Variants in NREP observed in about 807,000 individuals in gnomAD.
NREP encodes neuronal regeneration related protein.
NREP carries 5 observed loss-of-function variants against 8.6 expected under a neutral mutation model. The ratio of observed to expected loss-of-function variants is 0.58; its 90% CI spans 0.30 to 1.22. The LOEUF (loss-of-function observed/expected upper bound fraction) is 1.22, where lower values mean the gene tolerates loss of function less well. Among genes scored for constraint, NREP ranks in the 50% most tolerant of loss-of-function variants. The pLI is 0.07. For synonymous variants in NREP, 27 were observed against 28.0 expected, an observed-to-expected ratio of 0.96 and a Z score of 0.11; for missense variants, 86 against 82.5, an observed-to-expected ratio of 1.04 and a Z score of -0.17.
chr5:111,789,618 C>T (rs1227692905), intron 2 of NREP, among the ~76,000 whole-genome samples: 1 of 152,134 alleles, frequency 6.6e-6, no homozygotes, highest in Admixed American at 6.5e-5. Context: ...AGTTTCTCTA[C>T]CATGGGTAAA....
Position 111,807,931 on chromosome 5 carries a change from A to G in NREP, c.136-72424T>C, listed in dbSNP as rs570549752. On this transcript the variant is annotated intron_variant, in intron 2 of 3. Transcript: ENST00000395634. ...GAGGCTCTTCTTTATCACAACAACAATAACAACAACAACAACAAAACCCTC... is the reference window on the plus strand; with the variant it reads ...GAGGCTCTTCTTTATCACAACAACAGTAACAACAACAACAACAAAACCCTC... Among the ~76,000 whole-genome samples the G allele has an allele frequency of 1.0e-3, 135 of 132,492 alleles. 1 individual carries two copies. The highest frequency in any genetic ancestry group is 3.6e-3 in the African/African-American group (134 of 36,898). 86.9% of individuals were successfully genotyped at this position (132,492 alleles called of 152,430 possible). A position where few individuals can be genotyped will look rare whatever the true frequency, so the allele number is the denominator to read the frequency against.
intron 2 of NREP, among the ~76,000 whole-genome samples, chr5:111,957,294 T>C (rs967411077): frequency 2.0e-5 from 3 of 151,976 alleles, no homozygotes; most frequent in African/African-American, 7.2e-5. Context: ...ATTTTTAAAT[T>C]TGATAAAATG....
intron 2 of NREP, among the ~76,000 whole-genome samples, chr5:111,783,590 T>C (rs553308396): frequency 6.6e-6 from 1 of 152,214 alleles, no homozygotes; most frequent in Non-Finnish European, 1.5e-5. Flanking sequence ...TTGTTCTGTT[T>C]TATTGATGTC....
intron 2 of NREP, among the ~76,000 whole-genome samples, chr5:111,927,546 A>T (rs1755423799): frequency 6.6e-6 from 1 of 152,192 alleles, no homozygotes; most frequent in Non-Finnish European, 1.5e-5. Flanking sequence ...TAAGTGATGC[A>T]AAAACTACCT....
chr5:111,780,962 T>A (rs920882423), intron 2 of NREP, among the ~76,000 whole-genome samples: 2 of 152,150 alleles, frequency 1.3e-5, no homozygotes, highest in African/African-American at 2.4e-5. Flanking sequence ...ACTTGTGTCA[T>A]AGGGGTTTGT....
chr5:111,794,793 C>T (rs1276731819), intron 2 of NREP, among the ~76,000 whole-genome samples: 1 of 152,046 alleles, frequency 6.6e-6, no homozygotes, highest in Non-Finnish European at 1.5e-5. Context: ...GTAGAATGTG[C>T]AGCACCAGGA....
intron 2 of NREP, among the ~76,000 whole-genome samples, chr5:111,851,084 C>T (rs1028587202): frequency 1.3e-5 from 2 of 152,156 alleles, no homozygotes; most frequent in Admixed American, 1.3e-4. Context: ...CAATCTAGTA[C>T]TCCTATAGTC....
chr5:111,919,327 G>T (rs1755158109), intron 2 of NREP, among the ~76,000 whole-genome samples: 1 of 152,092 alleles, frequency 6.6e-6, no homozygotes, highest in African/African-American at 2.4e-5. Flanking sequence ...ATTCCTCAAG[G>T]ATCTAGAACC....
intron 2 of NREP, among the ~76,000 whole-genome samples, chr5:111,919,905 A>AAGAAAGAG (rs1755181984): frequency 6.6e-6 from 1 of 151,590 alleles, no homozygotes; most frequent in Non-Finnish European, 1.5e-5. Flanking sequence ...GAAAGAAAGA[A>AAGAAAGAG]AGAAAGAAAG....
intron 2 of NREP, among the ~76,000 whole-genome samples, chr5:111,737,050 C>G (rs1581038966): frequency 6.6e-6 from 1 of 152,272 alleles, no homozygotes; most frequent in East Asian, 1.9e-4. Context: ...GAACTATTTT[C>G]TTTTTGGACT....
chr5:111,865,555 G>C (rs1753645800), intron 2 of NREP, among the ~76,000 whole-genome samples: 1 of 152,118 alleles, frequency 6.6e-6, no homozygotes, highest in Admixed American at 6.6e-5. Context: ...CATGGCATAG[G>C]CCACATGACA....
intron 2 of NREP, among the ~76,000 whole-genome samples, chr5:111,897,576 G>A (rs1394619184): frequency 6.6e-6 from 1 of 152,020 alleles, no homozygotes; most frequent in Non-Finnish European, 1.5e-5. Context: ...TGTTCTACTT[G>A]ATATTATCTT....
rs113039787 is a variant in NREP at position 111,870,351 on chromosome 5, C to T, written c.135+104923G>A. On this transcript the variant is annotated intron_variant, in intron 2 of 3. Coordinates refer to the NREP transcript ENST00000395634. ...GGCTGAGGAAGGAGAATCACTTGAG[C>T]CCTGAGAGACAGAGATTGCAGTAAG... Among the ~76,000 whole-genome samples, 1,307 of 152,204 alleles carry T rather than the reference C, an allele frequency of 8.6e-3. 5 individuals are homozygous for T. Among genetic ancestry groups the T allele is most frequent in the Middle Eastern group, 0.024 (7 of 294 alleles).
chr5:111,817,804 C>CAAAAA (rs145517030), intron 2 of NREP, among the ~76,000 whole-genome samples: 1 of 56,424 alleles, frequency 1.8e-5, no homozygotes, highest in East Asian at 6.2e-4. Flanking sequence ...GACTTCATCT[C>CAAAAA]AAAAAAAAAA....
At chr5:111,965,976 C>T (rs1026350312) in intron 2 of NREP, among the ~76,000 whole-genome samples, 4 of 152,178 alleles carry the variant, frequency 2.6e-5, no homozygotes, top group African/African-American at 7.2e-5. Flanking sequence ...GGTTAACAGG[C>T]TGCAACCGTG....
intron 2 of NREP, among the ~76,000 whole-genome samples, chr5:111,786,292 A>C (rs1225317271): frequency 1.3e-5 from 2 of 152,088 alleles, no homozygotes; most frequent in Admixed American, 6.6e-5. Flanking sequence ...TGTAACTTTC[A>C]TGAGGCCTCC....
At chr5:111,798,655 G>T (rs1332085690) in intron 2 of NREP, among the ~76,000 whole-genome samples, 2 of 151,634 alleles carry the variant, frequency 1.3e-5, no homozygotes, top group Non-Finnish European at 2.9e-5. Flanking sequence ...ACTTCATTTG[G>T]AATAATAGTC....
At chr5:111,784,659 G>T (rs2047517) in intron 2 of NREP, among the ~76,000 whole-genome samples, 8 of 152,138 alleles carry the variant, frequency 5.3e-5, no homozygotes, top group Non-Finnish European at 7.3e-5. Context: ...GACTTCTCAA[G>T]GTCCTTAGTA....
chr5:111,800,525 C>T (rs1751980411), intron 2 of NREP, among the ~76,000 whole-genome samples: 1 of 152,192 alleles, frequency 6.6e-6, no homozygotes, highest in Non-Finnish European at 1.5e-5. Flanking sequence ...AATGATAGCG[C>T]ATGTGTGGCA....
Sources: gnomAD v4.1 joint callset for allele counts (sites outside exome capture counted in the v4.1 genomes callset) on GRCh38, gnomAD v4.1.1 for gene constraint, MANE v1.5 for transcripts, NCBI Gene and HGNC (gene_info 2026-07-23, HGNC 2026-07-21) for gene names.